Variants in CEP112 observed in about 807,000 individuals in gnomAD.
CEP112 encodes the protein centrosomal protein of 112 kDa.
A neutral mutation model predicts 153.0 loss-of-function variants in CEP112; 127 were observed. That is an observed-to-expected ratio of 0.83 (90% CI 0.72 to 0.96). CEP112 has a LOEUF of 0.96. Among genes scored for constraint, CEP112 ranks in the 40% least tolerant of loss-of-function variants. The probability of loss-of-function intolerance (pLI) is 0.00; values close to 1 mark genes in which losing one functional copy is unlikely to be tolerated. For missense variants in CEP112, 1,089 were observed against 1,101.2 expected (o/e 0.99, Z 0.16); for synonymous variants, 358 against 374.4 (o/e 0.96, Z 0.51).
chr17:66,035,133 C>T (rs2065678977), intron 12 of CEP112, among the ~76,000 whole-genome samples: 1 of 150,940 alleles, frequency 6.6e-6, no homozygotes. Context: ...TGCCACCACG[C>T]CCAGCCTGAA....
At chr17:65,729,067 T>A (rs2050345449) in intron 23 of CEP112, among the ~76,000 whole-genome samples, 1 of 152,242 alleles carries the variant, frequency 6.6e-6, no homozygotes, top group African/African-American at 2.4e-5. Flanking sequence ...TTTTTTCCTT[T>A]CTTAAAAATT....
At chr17:66,120,492 C>T (rs1001251754) in intron 6 of CEP112, among the ~76,000 whole-genome samples, 8 of 152,034 alleles carry the variant, frequency 5.3e-5, no homozygotes, top group African/African-American at 1.7e-4. Flanking sequence ...TGAGCCACTG[C>T]GCCCAGCCTG....
intron 21 of CEP112, among the ~76,000 whole-genome samples, chr17:65,824,864 C>G (rs1179375045): frequency 1.3e-5 from 2 of 152,114 alleles, no homozygotes; most frequent in African/African-American, 4.8e-5. Context: ...AAACTGGAAC[C>G]CTTGTGCACT....
intron 16 of CEP112, among the ~76,000 whole-genome samples, chr17:66,022,729 G>T (rs1430300343): frequency 3.4e-5 from 4 of 116,562 alleles, no homozygotes; most frequent in African/African-American, 6.0e-5. Context: ...AAAAAAAAAA[G>T]AAATGCCAGA....
intron 17 of CEP112, among the ~76,000 whole-genome samples, chr17:65,979,037 G>C (rs746113349): frequency 2.2e-4 from 33 of 152,214 alleles, no homozygotes; most frequent in Non-Finnish European, 3.5e-4. Context: ...GGTTAAGCCA[G>C]CATGTTCACT....
At chr17:65,938,525 C>T (rs2061421999) in intron 18 of CEP112, among the ~76,000 whole-genome samples, 1 of 151,994 alleles carries the variant, frequency 6.6e-6, no homozygotes, top group African/African-American at 2.4e-5. Context: ...GAAAGCTCTT[C>T]TTCTAAGATT....
chr17:65,900,720 G>A (rs1025085946), intron 20 of CEP112, among the ~76,000 whole-genome samples: 9 of 152,134 alleles, frequency 5.9e-5, no homozygotes, highest in Non-Finnish European at 1.2e-4. Flanking sequence ...ATATTTGAAA[G>A]AGAATATGAA....
chr17:65,755,716 G>C (rs1172346889), intron 21 of CEP112, among the ~76,000 whole-genome samples: 1 of 151,896 alleles, frequency 6.6e-6, no homozygotes, highest in African/African-American at 2.4e-5. Context: ...ATGACTTCAA[G>C]ATTTTTGTCC....
intron 23 of CEP112, among the ~76,000 whole-genome samples, chr17:65,736,736 T>G (rs2050826292): frequency 6.6e-6 from 1 of 152,166 alleles, no homozygotes; most frequent in Admixed American, 6.6e-5. Context: ...GTCTTCTAAC[T>G]AGAGTTAGTA....
intron 21 of CEP112, among the ~76,000 whole-genome samples, chr17:65,791,514 A>G (rs1019417116): frequency 6.6e-6 from 1 of 152,196 alleles, no homozygotes; most frequent in Non-Finnish European, 1.5e-5. Context: ...TTGATACAAA[A>G]CACATGATTT....
intron 19 of CEP112, among the ~76,000 whole-genome samples, chr17:65,911,782 G>T (rs1053909460): frequency 6.6e-6 from 1 of 152,150 alleles, no homozygotes; most frequent in African/African-American, 2.4e-5. Flanking sequence ...GCATGGTCCT[G>T]TTTCTAGAAA....
At chr17:65,971,161 T>G (rs74631703) in intron 17 of CEP112, among the ~76,000 whole-genome samples, 9,350 of 148,490 alleles carry the variant, frequency 0.063, 402 homozygotes, top group South Asian at 0.12. Context: ...TACATGTACA[T>G]TACATGTACA....
intron 6 of CEP112, among the ~76,000 whole-genome samples, chr17:66,105,396 A>C (rs9910721): frequency 0.16 from 24,632 of 152,112 alleles, 2,749 homozygotes; most frequent in African/African-American, 0.31. Flanking sequence ...AAACAACCGG[A>C]AAACAACTAA....
chr17:65,748,004 C>T (rs1005967085), intron 22 of CEP112, among the ~76,000 whole-genome samples: 1 of 152,118 alleles, frequency 6.6e-6, no homozygotes, highest in African/African-American at 2.4e-5. Context: ...TTAGTGTTCT[C>T]ATCAGCCTAA....
At chr17:66,009,776 T>C (rs546495325) in intron 16 of CEP112, among the ~76,000 whole-genome samples, 51 of 152,274 alleles carry the variant, frequency 3.3e-4, no homozygotes, top group African/African-American at 1.1e-3. Flanking sequence ...CAGTTGAAGG[T>C]ACGCAGCCTT....
chr17:65,831,646 A>T (rs1568084474), intron 21 of CEP112, among the ~76,000 whole-genome samples: 1 of 152,136 alleles, frequency 6.6e-6, no homozygotes, highest in African/African-American at 2.4e-5. Flanking sequence ...CCAGGAACAA[A>T]GTGAGAAATT....
intron 23 of CEP112, among the ~76,000 whole-genome samples, chr17:65,722,962 A>G (rs2049975405): frequency 6.6e-6 from 1 of 152,232 alleles, no homozygotes; most frequent in South Asian, 2.1e-4. Context: ...ACATGGAAGA[A>G]TATCCATTGT....
intron 12 of CEP112, among the ~76,000 whole-genome samples, chr17:66,044,039 T>C (rs1001665159): frequency 3.9e-5 from 6 of 152,186 alleles, no homozygotes; most frequent in African/African-American, 1.4e-4. Context: ...CATGTTTCTC[T>C]ATATTTACTA....
At chr17:65,806,076 G>C (rs2055580201) in intron 21 of CEP112, among the ~76,000 whole-genome samples, 1 of 152,194 alleles carries the variant, frequency 6.6e-6, no homozygotes, top group Non-Finnish European at 1.5e-5. Context: ...CAAGACCCAA[G>C]AATTATTCTT....
Sources: gnomAD v4.1 joint callset for allele counts (sites outside exome capture counted in the v4.1 genomes callset) on GRCh38, gnomAD v4.1.1 for gene constraint, MANE v1.5 for transcripts, NCBI Gene and HGNC (gene_info 2026-07-23, HGNC 2026-07-21) for gene names.